The following RBMS1 variants were observed in gnomAD, a reference collection of about 807,000 sequenced individuals.
The protein encoded by RBMS1 is RNA-binding motif, single-stranded-interacting protein 1.
Under a neutral mutation model 62.3 loss-of-function variants are expected in RBMS1, and 17 were observed. That is an observed-to-expected ratio of 0.27 (90% CI 0.19 to 0.41). The LOEUF (loss-of-function observed/expected upper bound fraction) is 0.41, where lower values mean the gene tolerates loss of function less well. Ranked by LOEUF, RBMS1 falls within the 10% of genes least tolerant of loss-of-function variation. The probability of loss-of-function intolerance (pLI) is 1.00; values close to 1 mark genes in which losing one functional copy is unlikely to be tolerated. For missense variants in RBMS1, 334 were observed against 504.5 expected (o/e 0.66, Z 3.24); for synonymous variants, 172 against 170.0 (o/e 1.01, Z -0.09).
intron 1 of RBMS1, among the ~76,000 whole-genome samples, chr2:160,395,461 A>G (rs1337404107): frequency 2.6e-5 from 4 of 152,056 alleles, no homozygotes; most frequent in Non-Finnish European, 5.9e-5. Flanking sequence ...CGTCTCTACT[A>G]AAAATACAAA....
chr2:160,492,818 G>A lies in RBMS1; in HGVS notation c.75+471C>T, dbSNP rs148647653. 1,392 of 154,330 alleles carry A rather than the reference G, an allele frequency of 9.0e-3. 14 individuals carry two copies. The highest frequency in any genetic ancestry group is 0.014 in the Non-Finnish European group (944 of 69,444). 9.6% of individuals were successfully genotyped at this position (154,330 alleles called of 1,614,324 possible). A position where few individuals can be genotyped will look rare whatever the true frequency, so the allele number is the denominator to read the frequency against. On this transcript the variant is annotated intron_variant, in intron 1 of 13. Transcript: ENST00000348849. ...GCCCCAGTCATCGCGTGCGCGGGAGGTGGAGGGGCGTCCCTGGGGGGCGGG... is the reference window on the plus strand; with the variant it reads ...GCCCCAGTCATCGCGTGCGCGGGAGATGGAGGGGCGTCCCTGGGGGGCGGG...
At chr2:160,427,239 A>T (rs1368005883) in intron 1 of RBMS1, among the ~76,000 whole-genome samples, 1 of 152,208 alleles carries the variant, frequency 6.6e-6, no homozygotes, top group Middle Eastern at 3.2e-3. Context: ...ATAAAGAAGT[A>T]TAATATTTAG....
intron 1 of RBMS1, among the ~76,000 whole-genome samples, chr2:160,465,982 AT>A (rs1684675455): frequency 1.3e-5 from 2 of 152,300 alleles, no homozygotes; most frequent in South Asian, 4.1e-4. Flanking sequence ...TCTAACACTT[AT>A]CAGAAAAGTG....
intron 1 of RBMS1, among the ~76,000 whole-genome samples, chr2:160,460,111 C>G: frequency 6.6e-6 from 1 of 152,220 alleles, no homozygotes. Context: ...ACTCCTCCCC[C>G]AGTGGTTGTC....
At chr2:160,470,819 A>G (rs1211638151) in intron 1 of RBMS1, among the ~76,000 whole-genome samples, 1 of 152,044 alleles carries the variant, frequency 6.6e-6, no homozygotes, top group Non-Finnish European at 1.5e-5. Flanking sequence ...ATATCTGTGC[A>G]ATGAATGTTA....
At chr2:160,439,203 C>G (rs1015474075) in intron 1 of RBMS1, among the ~76,000 whole-genome samples, 1 of 151,590 alleles carries the variant, frequency 6.6e-6, no homozygotes, top group African/African-American at 2.4e-5. Context: ...CTGACCCCCC[C>G]ACCTCCCTCT....
At chr2:160,338,950 T>A (rs1691723081) in intron 2 of RBMS1, among the ~76,000 whole-genome samples, 1 of 152,150 alleles carries the variant, frequency 6.6e-6, no homozygotes, top group Non-Finnish European at 1.5e-5. Flanking sequence ...TTAATCCTCA[T>A]CACAGGCATT....
At chr2:160,324,202 T>C (rs1690751308) in intron 2 of RBMS1, among the ~76,000 whole-genome samples, 1 of 152,234 alleles carries the variant, frequency 6.6e-6, no homozygotes, top group Admixed American at 6.5e-5. Flanking sequence ...ATAGACTTTA[T>C]CCACTGGCAC....
intron 2 of RBMS1, among the ~76,000 whole-genome samples, chr2:160,348,035 G>A (rs1692283044): frequency 6.6e-6 from 1 of 151,978 alleles, no homozygotes; most frequent in Non-Finnish European, 1.5e-5. Context: ...CAGAACAATG[G>A]CCTGCACAGT....
intron 1 of RBMS1, among the ~76,000 whole-genome samples, chr2:160,372,786 A>C (rs1693795848): frequency 6.6e-6 from 1 of 152,110 alleles, no homozygotes; most frequent in Non-Finnish European, 1.5e-5. Context: ...AACAAAACTA[A>C]ATGTGGGAGG....
Position 160,300,667 on chromosome 2 carries a change from T to C in RBMS1, c.624A>G (p.Thr208=), listed in dbSNP as rs150761541. 173 of 1,602,826 alleles carry C rather than the reference T, an allele frequency of 1.1e-4. No homozygotes were observed. The highest frequency in any genetic ancestry group is 1.7e-4 in the Admixed American group (10 of 58,966). The stretch of plus-strand genomic sequence containing the variant: ...ACAACATACCAGAAACTCCTGGTGG[T>C]GTCTTAATAAATTTTCCATTAAAAT... ...IGHFNGKFIK[T]PPGVSAPTEP... Residue 208 remains threonine, a synonymous_variant, in exon 6 of 14, where the codon ACA becomes ACG. Transcript: ENST00000348849.
chr2:160,443,674 C>T (rs531301502), intron 1 of RBMS1, among the ~76,000 whole-genome samples: 5 of 152,262 alleles, frequency 3.3e-5, no homozygotes, highest in Admixed American at 1.3e-4. Context: ...AAGCAGATGC[C>T]GATGCCATGC....
chr2:160,355,477 T>A lies in RBMS1; in HGVS notation c.251+11739A>T, dbSNP rs995546077. ...CCTATATTTGTTAATGATATCAAATTCCCAGTTTCTTAAGACTCCAAATCT... is the reference window on the plus strand; with the variant it reads ...CCTATATTTGTTAATGATATCAAATACCCAGTTTCTTAAGACTCCAAATCT... On this transcript the variant is annotated intron_variant, in intron 2 of 13. Transcript: ENST00000348849. 4.6e-5 allele frequency among the ~76,000 whole-genome samples: 7 copies of A among 152,180 alleles called. No homozygotes were observed. In the South Asian group the frequency reaches 1.5e-3, roughly 32 times the overall value.
At chr2:160,489,585 C>G (rs1280565894) in intron 1 of RBMS1, among the ~76,000 whole-genome samples, 1 of 151,978 alleles carries the variant, frequency 6.6e-6, no homozygotes, top group Admixed American at 6.5e-5. Context: ...GTTCTACTAG[C>G]CTTTATTAAT....
At chr2:160,463,574 C>G (rs1038125214) in intron 1 of RBMS1, among the ~76,000 whole-genome samples, 1 of 152,186 alleles carries the variant, frequency 6.6e-6, no homozygotes, top group Admixed American at 6.5e-5. Context: ...CATCTGAGGT[C>G]AGGAGTTCGA....
intron 2 of RBMS1, among the ~76,000 whole-genome samples, chr2:160,324,948 G>A (rs1382033189): frequency 2.1e-5 from 3 of 139,640 alleles, no homozygotes. Flanking sequence ...ATATATATGC[G>A]CCAATTATTT....
chr2:160,416,344 A>T (rs1482037855), intron 1 of RBMS1, among the ~76,000 whole-genome samples: 1 of 151,920 alleles, frequency 6.6e-6, no homozygotes, highest in African/African-American at 2.4e-5. Context: ...GGCAAATACA[A>T]TGTTTCAAAC....
At position 160,303,469 on chromosome 2, in the gene RBMS1, T is replaced by C; in HGVS notation, c.421A>G (p.Thr141Ala). ...QMAKQQEQDP[T>A]NLYISNLPLS... ...GGCAAATTAGAAATGTAGAGGTTGGTAGGATCTTGTTCCTGTTGCTAAAAC... is the reference window on the plus strand; with the variant it reads ...GGCAAATTAGAAATGTAGAGGTTGGCAGGATCTTGTTCCTGTTGCTAAAAC... Residue 141 changes from threonine to alanine, a missense_variant, in exon 5 of 14, where the codon ACC (threonine) becomes GCC (alanine). Physicochemically the swap from Thr to Ala is moderately conservative, Grantham distance 58. This residue lies in a region of RBMS1 where 150 missense variants were observed against 228.0 expected (regional missense o/e 0.66). Transcript: ENST00000348849. The C allele has an allele frequency of 6.2e-7, 1 of 1,610,562 alleles. No homozygotes were observed.
At chr2:160,493,156 T>C (rs1041560844) in intron 1 of RBMS1, 133 bp downstream of exon 1, 6 of 864,140 alleles carry the variant, frequency 6.9e-6, no homozygotes, top group African/African-American at 1.7e-5. Context: ...GCCAGCGCTA[T>C]AGTTAGCAAC....
Sources: gnomAD v4.1 joint callset for allele counts (sites outside exome capture counted in the v4.1 genomes callset) on GRCh38, gnomAD v4.1.1 for gene constraint, gnomAD v4.1.1 regional missense constraint, MANE v1.5 for transcripts, NCBI Gene and HGNC (gene_info 2026-07-23, HGNC 2026-07-21) for gene names.